Variants in MYH10 observed in about 807,000 individuals in gnomAD.
MYH10 encodes myosin-10.
MYH10 carries 55 observed loss-of-function variants against 257.8 expected under a neutral mutation model. That is an observed-to-expected ratio of 0.21 (90% CI 0.17 to 0.27). MYH10 has a LOEUF of 0.27. Ranked by LOEUF, MYH10 falls within the 10% of genes least tolerant of loss-of-function variation. The pLI, the probability that MYH10 is intolerant of heterozygous loss-of-function variation, is 1.00. For missense variants in MYH10, 1,631 were observed against 2,500.6 expected (o/e 0.65, Z 7.42); for synonymous variants, 854 against 921.7 (o/e 0.93, Z 1.33).
chr17:8,557,223 G>A (rs139944042), intron 7 of MYH10, among the ~76,000 whole-genome samples: 6 of 152,150 alleles, frequency 3.9e-5, no homozygotes, highest in African/African-American at 1.4e-4. Flanking sequence ...AAGAAAAGAG[G>A]AATCACTTTC....
intron 6 of MYH10, chr17:8,573,748 G>A (rs957921672): frequency 1.5e-6 from 1 of 687,420 alleles, no homozygotes; most frequent in Non-Finnish European, 1.8e-6. Flanking sequence ...ATAGATAAAT[G>A]TTTATTTCAA....
At chr17:8,600,044 G>T (rs991018634) in intron 3 of MYH10, among the ~76,000 whole-genome samples, 1 of 152,162 alleles carries the variant, frequency 6.6e-6, no homozygotes, top group African/African-American at 2.4e-5. Flanking sequence ...ACCAAGGTAG[G>T]ATTAGCAAGA....
chr17:8,499,506 C>T, intron 29 of MYH10, 30 bp from the exon 30 acceptor site: 3 of 1,608,098 alleles, frequency 1.9e-6, no homozygotes, highest in South Asian at 2.2e-5. Context: ...ACATAATTCA[C>T]TAGTTATTTT....
chr17:8,610,311 G>C (rs181543522), intron 2 of MYH10, among the ~76,000 whole-genome samples: 1 of 142,328 alleles, frequency 7.0e-6, no homozygotes, highest in East Asian at 2.0e-4. Context: ...GGAAGCGGCC[G>C]GGCATGGTAG....
intron 2 of MYH10, among the ~76,000 whole-genome samples, chr17:8,609,150 T>C (rs761875688): frequency 5.3e-5 from 8 of 152,234 alleles, no homozygotes; most frequent in Non-Finnish European, 1.0e-4. Context: ...CCGGCCTCTG[T>C]TTAAGAAAGC....
At chr17:8,485,054 G>A (rs1914525862) in intron 36 of MYH10, among the ~76,000 whole-genome samples, 1 of 152,184 alleles carries the variant, frequency 6.6e-6, no homozygotes, top group South Asian at 2.1e-4. Context: ...ATTGTATATA[G>A]AAAATCTTAA....
At chr17:8,612,786 G>A (rs1237905439) in intron 2 of MYH10, among the ~76,000 whole-genome samples, 1 of 151,852 alleles carries the variant, frequency 6.6e-6, no homozygotes, top group Non-Finnish European at 1.5e-5. Context: ...GCAGGTGGAG[G>A]TTGCAGTGAG....
At position 8,609,114 on chromosome 17, in the gene MYH10, T is replaced by A. The variant is rs995202776; in HGVS notation, c.346-4132A>T. Among the ~76,000 whole-genome samples, 24 of 152,152 alleles carry A rather than the reference T, an allele frequency of 1.6e-4. 2 individuals carry two copies. The highest frequency in any genetic ancestry group is 4.4e-5 in the Non-Finnish European group (3 of 68,018). Reference sequence around the variant, plus strand: ...GCATGAGCCACCGCGCCCAGCCGATTGGGAAATTTTTCAGCCTGGAAGTGC... The same window carrying A: ...GCATGAGCCACCGCGCCCAGCCGATAGGGAAATTTTTCAGCCTGGAAGTGC... On this transcript the variant is annotated intron_variant, in intron 2 of 42. Transcript: ENST00000360416.
chr17:8,602,455 T>A (rs1000700968), intron 3 of MYH10, among the ~76,000 whole-genome samples: 1 of 152,190 alleles, frequency 6.6e-6, no homozygotes, highest in African/African-American at 2.4e-5. Context: ...AAGACCTAGA[T>A]TGATTGGCAT....
chr17:8,506,181 A>T lies in MYH10; in HGVS notation c.3386+137T>A. ...CAAATTCTGTACGCCTGGGCTTTTC[A>T]CTTTCTCAGGTCACACCAAACAGCA... is the stretch of plus-strand genomic sequence containing the variant. On this transcript the variant is annotated intron_variant, in intron 27 of 42. Coordinates refer to ENST00000360416, the MANE Select transcript of MYH10 (RefSeq NM_001256012.3). This position sits in a 1 kb window ranked among gnomAD's most constrained non-coding sequence, Gnocchi z 5.0. 1.2e-6 allele frequency: 1 copy of T among 825,846 alleles called. No individual in the cohort carries two copies. The highest frequency in any genetic ancestry group is 1.8e-6 in the Non-Finnish European group (1 of 559,212). 51.2% of individuals were successfully genotyped at this position (825,846 alleles called of 1,614,324 possible). A position where few individuals can be genotyped will look rare whatever the true frequency, so the allele number is the denominator to read the frequency against.
chr17:8,546,728 T>A, intron 11 of MYH10, 66 bp from the exon 12 acceptor site: 1 of 1,161,024 alleles, frequency 8.6e-7, no homozygotes, highest in Non-Finnish European at 1.3e-6. Context: ...ATATATTCAA[T>A]AAACACTGGA....
chr17:8,571,641 G>C (rs1215557592), intron 6 of MYH10, among the ~76,000 whole-genome samples: 2 of 151,878 alleles, frequency 1.3e-5, no homozygotes, highest in Non-Finnish European at 1.5e-5. Context: ...AATTAGCCGG[G>C]TGTGGTGGCG....
chr17:8,475,889 T>C lies in MYH10; in HGVS notation c.5939A>G (p.Glu1980Gly). 1 of 1,614,208 alleles carries C rather than the reference T, an allele frequency of 6.2e-7. No individual in the cohort carries two copies. The highest frequency in any genetic ancestry group is 1.1e-5 in the South Asian group (1 of 91,084). ...GTCGGAGAGCTCCAGGGAAGCTCCT[T>C]CAAGGTGCAGCTGGCGCCGGCCAGA... ...SRSGRRQLHLEGASLELSDDD... is the reference protein window; with the variant it reads ...SRSGRRQLHLGGASLELSDDD... The change falls in exon 43 of 43, where the codon GAA becomes GGA. Residue 1980 changes from glutamate (E) to glycine (G), a missense_variant. Coordinates refer to ENST00000360416, the MANE Select transcript of MYH10 (RefSeq NM_001256012.3).
chr17:8,609,056 C>T (rs1041171448), intron 2 of MYH10, among the ~76,000 whole-genome samples: 1 of 152,176 alleles, frequency 6.6e-6, no homozygotes, highest in African/African-American at 2.4e-5. Context: ...CGTGATCTGC[C>T]CGCCTTGGCC....
At chr17:8,568,918 G>A (rs914783537) in intron 7 of MYH10, among the ~76,000 whole-genome samples, 11 of 151,574 alleles carry the variant, frequency 7.3e-5, no homozygotes, top group Non-Finnish European at 1.3e-4. Context: ...GAATAGCTAA[G>A]GAGAATTTTT....
chr17:8,548,501 ACAAAACTTT>A, intron 10 of MYH10, 93 bp from the exon 11 acceptor site: 1 of 1,396,284 alleles, frequency 7.2e-7, no homozygotes, highest in Non-Finnish European at 9.8e-7. Flanking sequence ...AATTAGCTAT[ACAAAACTTT>A]TCAGTAAGAC....
At position 8,535,552 on chromosome 17, in the gene MYH10, T is replaced by C. The variant is rs2082119064; in HGVS notation, c.1780-51A>G. 1 of 1,501,580 alleles carries C rather than the reference T, an allele frequency of 6.7e-7. No individual in the cohort carries two copies. Among genetic ancestry groups the C allele is most frequent in the Non-Finnish European group, 9.1e-7 (1 of 1,096,736 alleles). 93.0% of individuals were successfully genotyped at this position (1,501,580 alleles called of 1,614,324 possible). ...GTGAAATGGAGAACACAAAACCAAA[T>C]GCAAAAACAAAAACACTTTAAGCCT... On this transcript the variant is annotated intron_variant, in intron 15 of 42. Transcript: ENST00000360416. This position sits in a 1 kb window ranked among gnomAD's most constrained non-coding sequence, Gnocchi z 4.3.
intron 28 of MYH10, among the ~76,000 whole-genome samples, chr17:8,503,291 T>TAA (rs61712819): frequency 1.7e-5 from 1 of 60,096 alleles, no homozygotes. Flanking sequence ...CTCAAAAAAA[T>TAA]ATAAAATAAA....
chr17:8,512,992 G>T (rs2081349095), intron 23 of MYH10, among the ~76,000 whole-genome samples: 1 of 152,142 alleles, frequency 6.6e-6, no homozygotes, highest in African/African-American at 2.4e-5. Context: ...ATGCCTGTTT[G>T]GTAGTAAGTG....
Sources: gnomAD v4.1 joint callset for allele counts (sites outside exome capture counted in the v4.1 genomes callset) on GRCh38, gnomAD v4.1.1 for gene constraint, Gnocchi (gnomAD v3.1) non-coding constraint, MANE v1.5 for transcripts, NCBI Gene and HGNC (gene_info 2026-07-23, HGNC 2026-07-21) for gene names.